The following BCAS3 variants were observed in gnomAD, a reference collection of about 807,000 sequenced individuals.
The protein encoded by BCAS3 is BCAS4/BCAS3 fusion.
A neutral mutation model predicts 116.1 loss-of-function variants in BCAS3; 53 were observed. That is an observed-to-expected ratio of 0.46 (90% CI 0.37 to 0.57). The LOEUF is 0.57. Ranked by LOEUF, BCAS3 falls within the 20% of genes least tolerant of loss-of-function variation. The pLI, the probability that BCAS3 is intolerant of heterozygous loss-of-function variation, is 0.00. For missense variants in BCAS3, 917 were observed against 1,165.4 expected, an observed-to-expected ratio of 0.79 and a Z score of 3.10; for synonymous variants, 391 against 408.2, an observed-to-expected ratio of 0.96 and a Z score of 0.51.
intron 10 of BCAS3, among the ~76,000 whole-genome samples, chr17:60,899,043 C>T (rs2057700384): frequency 6.6e-6 from 1 of 151,996 alleles, no homozygotes. Context: ...GGGTTGAAGG[C>T]AGAACTAGGC....
chr17:61,015,743 C>T lies in BCAS3; in HGVS notation c.1487-8C>T. ...CAGTGATGCTTTTCTTTATTTTTCT[C>T]TTTGTAGGGAAACTGAACAGCCAAG... On this transcript the variant is annotated splice_polypyrimidine_tract_variant and splice_region_variant and intron_variant, in intron 15 of 23. Transcript: ENST00000407086. The T allele has an allele frequency of 1.2e-6, 2 of 1,613,660 alleles. No individual in the cohort carries two copies. The highest frequency in any genetic ancestry group is 1.7e-6 in the Non-Finnish European group (2 of 1,179,696).
intron 22 of BCAS3, among the ~76,000 whole-genome samples, chr17:61,142,925 T>C (rs1161944741): frequency 1.3e-5 from 2 of 152,228 alleles, no homozygotes; most frequent in Admixed American, 1.3e-4. Context: ...GGTCAGATTA[T>C]GTATATGTTT....
intron 23 of BCAS3, among the ~76,000 whole-genome samples, chr17:61,385,222 C>T (rs1431286268): frequency 1.3e-5 from 2 of 152,224 alleles, no homozygotes; most frequent in African/African-American, 4.8e-5. Context: ...CCATGTCTGC[C>T]TGGGCCACCA....
intron 13 of BCAS3, among the ~76,000 whole-genome samples, chr17:60,939,942 G>A (rs1244221031): frequency 6.6e-6 from 1 of 152,104 alleles, no homozygotes; most frequent in African/African-American, 2.4e-5. Context: ...AAGGAAATCT[G>A]TTAAAAATAA....
At position 60,686,564 on chromosome 17, in the gene BCAS3, C is replaced by T. The variant is rs144606435; in HGVS notation, c.138+2528C>T. Reference sequence around the variant, plus strand: ...TTTTGAGATGGAGTTTCACTCTTGTCGCCCAGGCTGGAGTGCAATGGCATA... The same window carrying T: ...TTTTGAGATGGAGTTTCACTCTTGTTGCCCAGGCTGGAGTGCAATGGCATA... On this transcript the variant is annotated intron_variant, in intron 3 of 23. Coordinates refer to ENST00000407086, the MANE Select transcript of BCAS3 (RefSeq NM_017679.5). 7.6e-3 allele frequency among the ~76,000 whole-genome samples: 1,157 copies of T among 151,308 alleles called. 14 individuals carry two copies. The highest frequency in any genetic ancestry group is 0.026 in the African/African-American group (1,074 of 41,184).
At chr17:60,765,653 C>T (rs993796017) in intron 6 of BCAS3, among the ~76,000 whole-genome samples, 4 of 152,288 alleles carry the variant, frequency 2.6e-5, no homozygotes, top group African/African-American at 9.6e-5. Context: ...CTTGGTGAAT[C>T]TGACAATTAT....
intron 14 of BCAS3, among the ~76,000 whole-genome samples, chr17:60,957,184 CA>C (rs1783431870): frequency 6.6e-6 from 1 of 152,072 alleles, no homozygotes; most frequent in African/African-American, 2.4e-5. Context: ...CTAATTTTGG[CA>C]AATGGCAAAC....
chr17:61,287,265 G>A (rs553658515), intron 22 of BCAS3, among the ~76,000 whole-genome samples: 69 of 151,848 alleles, frequency 4.5e-4, no homozygotes, highest in Admixed American at 2.8e-3. Context: ...AAACTCTATG[G>A]AGTTGGGGAA....
At chr17:60,758,131 A>G (rs993579999) in intron 6 of BCAS3, among the ~76,000 whole-genome samples, 1 of 152,162 alleles carries the variant, frequency 6.6e-6, no homozygotes, top group Admixed American at 6.5e-5. Flanking sequence ...TTTTATACCA[A>G]TATCATGCTA....
At chr17:61,123,617 T>C (rs1465060944) in intron 22 of BCAS3, among the ~76,000 whole-genome samples, 1 of 151,962 alleles carries the variant, frequency 6.6e-6, no homozygotes, top group Non-Finnish European at 1.5e-5. Flanking sequence ...TTTCCTATTT[T>C]AATTTTTATT....
At position 61,220,957 on chromosome 17, in the gene BCAS3, G is replaced by C. The variant is rs1486854331; in HGVS notation, c.2425+136393G>C. Among the ~76,000 whole-genome samples, 1 of 152,122 alleles carries C rather than the reference G, an allele frequency of 6.6e-6. No homozygotes were observed. Among genetic ancestry groups the C allele is most frequent in the Non-Finnish European group, 1.5e-5 (1 of 68,020 alleles). ...CTACTAAAAATACAAAAAATTAGCT[G>C]GGCATGGTGGCGGGCGCCTGTAGTC... On this transcript the variant is annotated intron_variant, in intron 22 of 23. Transcript: ENST00000407086. This position sits in a 1 kb window ranked among gnomAD's most constrained non-coding sequence, Gnocchi z 4.5.
intron 6 of BCAS3, among the ~76,000 whole-genome samples, chr17:60,805,593 C>T (rs1446457014): frequency 2.6e-5 from 4 of 151,938 alleles, no homozygotes; most frequent in Admixed American, 6.6e-5. Context: ...TTTGGGAGGC[C>T]GAGGCAGGAG....
At chr17:61,216,653 C>T (rs1389086861) in intron 22 of BCAS3, among the ~76,000 whole-genome samples, 1 of 151,396 alleles carries the variant, frequency 6.6e-6, no homozygotes, top group Non-Finnish European at 1.5e-5. Flanking sequence ...AAGCGATTCT[C>T]CTGCCTCAGC....
chr17:60,983,474 T>C (rs1386005951), intron 14 of BCAS3, among the ~76,000 whole-genome samples: 1 of 152,186 alleles, frequency 6.6e-6, no homozygotes, highest in East Asian at 1.9e-4. Context: ...TCCCTACTTA[T>C]TTTGACAGCT....
At chr17:60,904,669 A>C (rs1423841684) in intron 11 of BCAS3, among the ~76,000 whole-genome samples, 1 of 152,084 alleles carries the variant, frequency 6.6e-6, no homozygotes. Context: ...CTGTCTCTAC[A>C]AAAAAATTTA....
Position 61,315,464 on chromosome 17 carries a change from C to T in BCAS3, c.2426-52863C>T, listed in dbSNP as rs150982060. Among the ~76,000 whole-genome samples, 108 of 152,306 alleles carry T rather than the reference C, an allele frequency of 7.1e-4. 2 individuals are homozygous for T. The East Asian group carries it at 0.019, about 26-fold the overall frequency. ...CACGGGAGGGCATGCAGAGCAGTCT[C>T]GGAGCGGACGCTAGCTGGCAGCGGT... On this transcript the variant is annotated intron_variant, in intron 22 of 23. Transcript: ENST00000407086. The surrounding 1 kb of genome is among the most constrained non-coding windows in gnomAD (Gnocchi z 5.3).
rs148723698 is a variant in BCAS3 at position 60,970,422 on chromosome 17, A to G, written c.1222-19549A>G. The stretch of plus-strand genomic sequence containing the variant: ...AGAAATTAAATATTAATGTACTCCA[A>G]TATAAAGGAAGAAATTGCCTATAAG... On this transcript the variant is annotated intron_variant, in intron 14 of 23. Coordinates refer to ENST00000407086, the MANE Select transcript of BCAS3 (RefSeq NM_017679.5). Among the ~76,000 whole-genome samples the G allele has an allele frequency of 7.0e-4, 106 of 152,332 alleles. 1 individual carries two copies. Among genetic ancestry groups the G allele is most frequent in the African/African-American group, 2.3e-3 (96 of 41,586 alleles).
chr17:60,710,820 T>TG (rs2037821066), intron 5 of BCAS3, among the ~76,000 whole-genome samples: 1 of 151,402 alleles, frequency 6.6e-6, no homozygotes. Flanking sequence ...TTTTTTTTTT[T>TG]GAGACAGGGT....
chr17:60,798,544 T>C (rs1423284641), intron 6 of BCAS3, among the ~76,000 whole-genome samples: 1 of 152,250 alleles, frequency 6.6e-6, no homozygotes, highest in Non-Finnish European at 1.5e-5. Flanking sequence ...TTCTTTTTAG[T>C]CTGTTGTTTG....
Sources: gnomAD v4.1 joint callset for allele counts (sites outside exome capture counted in the v4.1 genomes callset) on GRCh38, gnomAD v4.1.1 for gene constraint, Gnocchi (gnomAD v3.1) non-coding constraint, MANE v1.5 for transcripts, NCBI Gene and HGNC (gene_info 2026-07-23, HGNC 2026-07-21) for gene names.